The following CLSTN2 variants were observed in gnomAD, a reference collection of about 807,000 sequenced individuals.
The protein encoded by CLSTN2 is calsyntenin 2.
In CLSTN2, 48 loss-of-function variants were observed where a neutral mutation model predicts 101.2. The ratio of observed to expected loss-of-function variants is 0.47; its 90% CI spans 0.38 to 0.60. The LOEUF (loss-of-function observed/expected upper bound fraction) is 0.60. Ranked by LOEUF, CLSTN2 falls within the 20% of genes least tolerant of loss-of-function variation. The pLI is 0.00. For missense variants in CLSTN2, 1,160 were observed against 1,238.2 expected, an observed-to-expected ratio of 0.94 and a Z score of 0.95; for synonymous variants, 481 against 463.6, an observed-to-expected ratio of 1.04 and a Z score of -0.48.
At chr3:140,296,469 A>G (rs1304473214) in intron 2 of CLSTN2, among the ~76,000 whole-genome samples, 3 of 152,164 alleles carry the variant, frequency 2.0e-5, no homozygotes, top group African/African-American at 7.2e-5. Context: ...TTTCAATTTC[A>G]TATTTCTTTG....
At chr3:140,353,596 C>T (rs532088813) in intron 2 of CLSTN2, among the ~76,000 whole-genome samples, 46 of 152,246 alleles carry the variant, frequency 3.0e-4, no homozygotes, top group Non-Finnish European at 4.9e-4. Flanking sequence ...ATCAATACTT[C>T]GCATCCTTCA....
At chr3:140,155,655 G>C (rs752481549) in intron 1 of CLSTN2, among the ~76,000 whole-genome samples, 13 of 152,166 alleles carry the variant, frequency 8.5e-5, no homozygotes, top group Non-Finnish European at 1.5e-4. Context: ...CCATGATCCT[G>C]TTTGCTTGGT....
chr3:140,559,216 A>C (rs1407364868), intron 12 of CLSTN2, among the ~76,000 whole-genome samples: 1 of 151,450 alleles, frequency 6.6e-6, no homozygotes, highest in Non-Finnish European at 1.5e-5. Context: ...ACCCTATGCT[A>C]ACAGGGTTAT....
At chr3:140,259,982 G>A (rs2107882040) in intron 2 of CLSTN2, among the ~76,000 whole-genome samples, 1 of 152,006 alleles carries the variant, frequency 6.6e-6, no homozygotes, top group Admixed American at 6.6e-5. Flanking sequence ...GGTGGAGGGT[G>A]GGAAGAGGAT....
chr3:140,033,720 A>G (rs1473735494), intron 1 of CLSTN2, among the ~76,000 whole-genome samples: 1 of 152,224 alleles, frequency 6.6e-6, no homozygotes, highest in Non-Finnish European at 1.5e-5. Context: ...AATATCTGAA[A>G]TTGTGCTTTA....
chr3:140,308,294 T>C (rs560160142), intron 2 of CLSTN2, among the ~76,000 whole-genome samples: 10 of 152,340 alleles, frequency 6.6e-5, no homozygotes, highest in South Asian at 4.1e-4. Flanking sequence ...TCACATTAGA[T>C]GTTGATGTGC....
intron 1 of CLSTN2, among the ~76,000 whole-genome samples, chr3:140,048,297 A>C (rs1264659477): frequency 6.6e-6 from 1 of 152,232 alleles, no homozygotes; most frequent in African/African-American, 2.4e-5. Flanking sequence ...TATCTTGGGA[A>C]ATACAGCCTA....
chr3:139,935,963 G>A lies in CLSTN2; in HGVS notation c.109+480G>A, dbSNP rs1935012603. On this transcript the variant is annotated intron_variant, in intron 1 of 16. Transcript: ENST00000458420. This position sits in a 1 kb window ranked among gnomAD's most constrained non-coding sequence, Gnocchi z 5.5. ...ACTTGTAGGCTCCAGGGAAGGCCCC[G>A]CTGACACTCCTCAAGCTCCCCCAGG... Among the ~76,000 whole-genome samples, 2 of 151,992 alleles carry A rather than the reference G, an allele frequency of 1.3e-5. No individual in the cohort carries two copies. Among genetic ancestry groups the A allele is most frequent in the Admixed American group, 6.5e-5 (1 of 15,278 alleles).
At chr3:140,100,971 T>C (rs2008956321) in intron 1 of CLSTN2, among the ~76,000 whole-genome samples, 1 of 152,060 alleles carries the variant, frequency 6.6e-6, no homozygotes, top group Non-Finnish European at 1.5e-5. Flanking sequence ...GATATATCAC[T>C]ACAGGCCTGT....
At chr3:140,266,908 G>T (rs534631087) in intron 2 of CLSTN2, among the ~76,000 whole-genome samples, 1 of 152,194 alleles carries the variant, frequency 6.6e-6, no homozygotes, top group Non-Finnish European at 1.5e-5. Context: ...GTTGTTAGTT[G>T]TTGTCTGGAA....
chr3:140,045,500 A>G (rs2007858083), intron 1 of CLSTN2, among the ~76,000 whole-genome samples: 1 of 151,912 alleles, frequency 6.6e-6, no homozygotes, highest in South Asian at 2.1e-4. Flanking sequence ...TGATTTTTTG[A>G]AGGGTTTTTT....
At chr3:140,422,278 G>T (rs2088515527) in intron 5 of CLSTN2, among the ~76,000 whole-genome samples, 1 of 151,940 alleles carries the variant, frequency 6.6e-6, no homozygotes, top group Non-Finnish European at 1.5e-5. Context: ...TCACATCCCT[G>T]TAGGGAAGAC....
intron 2 of CLSTN2, among the ~76,000 whole-genome samples, chr3:140,339,273 T>A (rs995281759): frequency 2.0e-5 from 3 of 152,196 alleles, no homozygotes; most frequent in Admixed American, 2.0e-4. Context: ...ATGACCAGTG[T>A]TCTGTGTGGA....
chr3:140,217,116 G>A (rs1342609069), intron 2 of CLSTN2, among the ~76,000 whole-genome samples: 1 of 152,154 alleles, frequency 6.6e-6, no homozygotes, highest in African/African-American at 2.4e-5. Flanking sequence ...CCACATTCTT[G>A]TGGAAGGAGA....
chr3:140,166,388 T>C (rs1361218403), intron 1 of CLSTN2, among the ~76,000 whole-genome samples: 1 of 152,054 alleles, frequency 6.6e-6, no homozygotes, highest in African/African-American at 2.4e-5. Flanking sequence ...TTTACCAGAG[T>C]ATAGTTAACC....
At chr3:139,941,399 T>A (rs1286158163) in intron 1 of CLSTN2, among the ~76,000 whole-genome samples, 1 of 152,216 alleles carries the variant, frequency 6.6e-6, no homozygotes, top group Non-Finnish European at 1.5e-5. Flanking sequence ...TCTAGCCTTT[T>A]CAGCCAATTA....
At chr3:140,432,129 G>A (rs902190001) in intron 5 of CLSTN2, among the ~76,000 whole-genome samples, 1 of 152,122 alleles carries the variant, frequency 6.6e-6, no homozygotes, top group African/African-American at 2.4e-5. Flanking sequence ...GTGGGGTGCG[G>A]TAGAAAGTGT....
chr3:140,360,779 A>T (rs1004236112), intron 2 of CLSTN2, among the ~76,000 whole-genome samples: 1 of 152,226 alleles, frequency 6.6e-6, no homozygotes, highest in African/African-American at 2.4e-5. Context: ...CGAAGAAAAA[A>T]AACCCCAAAT....
intron 2 of CLSTN2, 122 bp downstream of exon 2, chr3:140,176,195 C>T: frequency 9.4e-7 from 1 of 1,064,760 alleles, no homozygotes; most frequent in Non-Finnish European, 1.3e-6. Flanking sequence ...TCTAGATCAG[C>T]CTGTGATGTT....
Sources: gnomAD v4.1 joint callset for allele counts (sites outside exome capture counted in the v4.1 genomes callset) on GRCh38, gnomAD v4.1.1 for gene constraint, Gnocchi (gnomAD v3.1) non-coding constraint, MANE v1.5 for transcripts, NCBI Gene and HGNC (gene_info 2026-07-23, HGNC 2026-07-21) for gene names.